TMEM150C: variants seen among roughly 807,000 people sequenced by gnomAD.
The protein encoded by TMEM150C is transmembrane protein 150C, also known as tentonin 3.
In TMEM150C, 10 loss-of-function variants were observed where a neutral mutation model predicts 29.9. That is an observed-to-expected ratio of 0.33 (90% CI 0.21 to 0.57). The LOEUF (loss-of-function observed/expected upper bound fraction) is 0.57. Ranked by LOEUF, TMEM150C falls within the 20% of genes least tolerant of loss-of-function variation. The pLI is 0.88. For missense variants in TMEM150C, 251 were observed against 303.6 expected (o/e 0.83, Z 1.29); for synonymous variants, 101 against 112.5 (o/e 0.90, Z 0.64).
chr4:82,527,551 G>A (rs943937203), intron 1 of TMEM150C, among the ~76,000 whole-genome samples: 4 of 152,238 alleles, frequency 2.6e-5, no homozygotes, highest in African/African-American at 7.2e-5. Context: ...AGGGCTGACC[G>A]GGTTCCAGAG....
chr4:82,484,021 A>G lies in TMEM150C; in HGVS notation c.*1490T>C, dbSNP rs1020395307. On this transcript the variant is annotated 3_prime_UTR_variant, in exon 8 of 8. Coordinates refer to ENST00000449862, the MANE Select transcript of TMEM150C (RefSeq NM_001080506.3). ...TGGTCAGGCTGGTCTCGAGCTCCCA[A>G]CCTCAGGTGATCCGCCCGCCTCAGC... The G allele has an allele frequency of 5.9e-5, 9 of 151,628 alleles. No homozygotes were observed. Among genetic ancestry groups the G allele is most frequent in the Non-Finnish European group, 1.2e-4 (8 of 67,874 alleles). 9.4% of individuals were successfully genotyped at this position (151,628 alleles called of 1,614,324 possible).
intron 1 of TMEM150C, among the ~76,000 whole-genome samples, chr4:82,508,567 G>A (rs1724013608): frequency 6.6e-6 from 1 of 151,942 alleles, no homozygotes; most frequent in Admixed American, 6.6e-5. Flanking sequence ...CTGGGTTCAA[G>A]TGGTTCTCCC....
At chr4:82,538,404 A>G (rs1393562039) in intron 1 of TMEM150C, among the ~76,000 whole-genome samples, 1 of 152,228 alleles carries the variant, frequency 6.6e-6, no homozygotes, top group African/African-American at 2.4e-5. Flanking sequence ...AACCTGAAGC[A>G]ATGAAAAACA....
chr4:82,544,961 C>G (rs1464682940), intron 1 of TMEM150C, among the ~76,000 whole-genome samples: 1 of 152,064 alleles, frequency 6.6e-6, no homozygotes, highest in African/African-American at 2.4e-5. Context: ...CAAATTCTAC[C>G]AGATGTACAA....
intron 6 of TMEM150C, chr4:82,495,472 CT>C: frequency 5.6e-6 from 2 of 358,776 alleles, no homozygotes. Flanking sequence ...TCTGCTAGCT[CT>C]TTTAGGCCCC....
At position 82,538,869 on chromosome 4, in the gene TMEM150C, T is replaced by C. The variant is rs188200731; in HGVS notation, c.-11+23037A>G. Among the ~76,000 whole-genome samples the C allele has an allele frequency of 2.2e-3, 333 of 152,214 alleles. 2 individuals carry two copies. Among genetic ancestry groups the C allele is most frequent in the African/African-American group, 7.2e-3 (297 of 41,522 alleles). On this transcript the variant is annotated intron_variant, in intron 1 of 7. Coordinates refer to ENST00000449862, the MANE Select transcript of TMEM150C (RefSeq NM_001080506.3). ...TGAGCTCAGGAGTTTGAGACCAGCCTGGGCAACATGGCGAAACCTTAACTA... is the reference window on the plus strand; with the variant it reads ...TGAGCTCAGGAGTTTGAGACCAGCCCGGGCAACATGGCGAAACCTTAACTA...
chr4:82,539,867 A>C (rs1578150401), intron 1 of TMEM150C, among the ~76,000 whole-genome samples: 1 of 152,336 alleles, frequency 6.6e-6, no homozygotes, highest in East Asian at 1.9e-4. Flanking sequence ...AAAACTACTA[A>C]GAGACACAAA....
chr4:82,544,063 T>C (rs1725277318), intron 1 of TMEM150C, among the ~76,000 whole-genome samples: 1 of 152,220 alleles, frequency 6.6e-6, no homozygotes, highest in African/African-American at 2.4e-5. Context: ...CGATCGGATA[T>C]TAACTGCCCC....
chr4:82,561,084 G>A (rs1483870043), intron 1 of TMEM150C, among the ~76,000 whole-genome samples: 1 of 152,200 alleles, frequency 6.6e-6, no homozygotes, highest in Non-Finnish European at 1.5e-5. Flanking sequence ...TGTGGGGGTA[G>A]GGGTGGAGGA....
chr4:82,551,255 T>A (rs573994544), intron 1 of TMEM150C, among the ~76,000 whole-genome samples: 1 of 152,060 alleles, frequency 6.6e-6, no homozygotes, highest in African/African-American at 2.4e-5. Context: ...TTTACCATGA[T>A]TTTTTTTCTC....
Position 82,496,103 on chromosome 4 carries a change from C to T in TMEM150C, c.328G>A (p.Ala110Thr). Residue 110 changes from alanine to threonine, a missense_variant, in exon 6 of 8, where the codon GCT (alanine) becomes ACT (threonine). Ala to Thr is a moderately conservative substitution (Grantham distance 58, BLOSUM62 0). Transcript: ENST00000449862. Reference sequence around the variant, plus strand: ...CCAAGTAAGGTCATTCCGAAGGAAGCCAGACACAGAGCCACCAATCCACTA... The same window carrying T: ...CCAAGTAAGGTCATTCCGAAGGAAGTCAGACACAGAGCCACCAATCCACTA... ...NISGLVALCL[A>T]SFGMTLLGNF... 1.9e-6 allele frequency: 3 copies of T among 1,613,904 alleles called. No homozygotes were observed. The highest frequency in any genetic ancestry group is 8.5e-7 in the Non-Finnish European group (1 of 1,179,870).
At chr4:82,522,009 G>A (rs1724504004) in intron 1 of TMEM150C, among the ~76,000 whole-genome samples, 1 of 152,116 alleles carries the variant, frequency 6.6e-6, no homozygotes, top group African/African-American at 2.4e-5. Context: ...GCTGCAGTGA[G>A]CCATTACTGC....
At chr4:82,492,814 CAA>C (rs1449942542) in intron 6 of TMEM150C, among the ~76,000 whole-genome samples, 1 of 81,890 alleles carries the variant, frequency 1.2e-5, no homozygotes, top group Non-Finnish European at 2.3e-5. Context: ...AAAAAAACAA[CAA>C]AGTCTATCCA....
chr4:82,495,416 G>T, intron 6 of TMEM150C: 1 of 287,836 alleles, frequency 3.5e-6, no homozygotes, highest in Non-Finnish European at 6.6e-6. Flanking sequence ...GCTAAAACCT[G>T]GGCGACAGAG....
upstream of TMEM150C, chr4:82,562,100 CG>C: frequency 8.2e-7 from 1 of 1,224,274 alleles, no homozygotes; most frequent in Non-Finnish European, 1.0e-6. Flanking sequence ...GCTAGGCCTT[CG>C]GGGAGAGTTG....
At chr4:82,509,750 G>T (rs1377746419) in intron 1 of TMEM150C, 1 of 151,988 alleles carries the variant, frequency 6.6e-6, no homozygotes, top group East Asian at 1.9e-4. Flanking sequence ...AGCCGAGATC[G>T]CTCCACTTCA....
intron 1 of TMEM150C, among the ~76,000 whole-genome samples, chr4:82,556,332 T>C (rs1725736694): frequency 6.6e-6 from 1 of 152,226 alleles, no homozygotes; most frequent in Admixed American, 6.5e-5. Flanking sequence ...GTACTTGTTA[T>C]ACATGGAGGA....
chr4:82,523,706 T>G (rs926976182), intron 1 of TMEM150C, among the ~76,000 whole-genome samples: 3 of 152,114 alleles, frequency 2.0e-5, no homozygotes, highest in Non-Finnish European at 4.4e-5. Flanking sequence ...ACTTTTTTTT[T>G]TTTTTAAATA....
chr4:82,527,196 G>A (rs28719505), intron 1 of TMEM150C, among the ~76,000 whole-genome samples: 10,247 of 151,748 alleles, frequency 0.068, 560 homozygotes, highest in African/African-American at 0.14. Context: ...GTGTGTTTCC[G>A]GTGAGAATGG....
Sources: gnomAD v4.1 joint callset for allele counts (sites outside exome capture counted in the v4.1 genomes callset) on GRCh38, gnomAD v4.1.1 for gene constraint, MANE v1.5 for transcripts, NCBI Gene and HGNC (gene_info 2026-07-23, HGNC 2026-07-21) for gene names.